The following YWHAZ variants were observed in gnomAD, a reference collection of about 807,000 sequenced individuals.
The protein encoded by YWHAZ is 14-3-3 protein zeta/delta.
For synonymous variants in YWHAZ, 87 were observed against 103.6 expected (o/e 0.84, Z 0.97); for missense variants, 79 against 284.8 (o/e 0.28, Z 5.20).
At chr8:100,951,880 G>A in intron 1 of YWHAZ, 49 bp downstream of exon 1, 1 of 990,658 alleles carries the variant, frequency 1.0e-6, no homozygotes, top group Non-Finnish European at 1.2e-6. Context: ...GCGTTCGGAA[G>A]GCTGGCCTGG....
At chr8:100,929,170 G>C (rs1408916965) in intron 2 of YWHAZ, among the ~76,000 whole-genome samples, 2 of 151,514 alleles carry the variant, frequency 1.3e-5, no homozygotes, top group African/African-American at 2.4e-5. Context: ...TCAAATCAGA[G>C]TAACTGGGAT....
intron 2 of YWHAZ, among the ~76,000 whole-genome samples, chr8:100,936,008 C>T (rs1231716044): frequency 6.6e-6 from 1 of 152,110 alleles, no homozygotes; most frequent in Admixed American, 6.5e-5. Context: ...GACCAAACCC[C>T]AAAATTATGA....
chr8:100,945,205 G>A (rs1251904645), intron 2 of YWHAZ, among the ~76,000 whole-genome samples: 1 of 152,188 alleles, frequency 6.6e-6, no homozygotes, highest in Non-Finnish European at 1.5e-5. Context: ...ACATTGTGAA[G>A]AGCATGCCAG....
At chr8:100,940,473 T>C (rs1809748949) in intron 2 of YWHAZ, among the ~76,000 whole-genome samples, 1 of 152,246 alleles carries the variant, frequency 6.6e-6, no homozygotes. Context: ...TTTGTGCACG[T>C]CTATTTCCCT....
chr8:100,951,712 A>AT, intron 1 of YWHAZ: 1 of 985,314 alleles, frequency 1.0e-6, no homozygotes, highest in South Asian at 4.7e-5. Context: ...CGGGGCGTCG[A>AT]TGCGGAAGCA....
intron 2 of YWHAZ, among the ~76,000 whole-genome samples, chr8:100,925,580 G>A (rs781013400): frequency 3.3e-5 from 5 of 152,050 alleles, no homozygotes; most frequent in African/African-American, 9.7e-5. Context: ...TAAAAAAACC[G>A]TTCAAAAGTT....
At chr8:100,930,663 A>AT (rs904812068) in intron 2 of YWHAZ, among the ~76,000 whole-genome samples, 2 of 152,006 alleles carry the variant, frequency 1.3e-5, no homozygotes, top group Non-Finnish European at 2.9e-5. Context: ...CCTCCCATTA[A>AT]TTTTTTTAAT....
At chr8:100,930,718 G>A (rs1013883892) in intron 2 of YWHAZ, among the ~76,000 whole-genome samples, 6 of 152,196 alleles carry the variant, frequency 3.9e-5, no homozygotes, top group East Asian at 1.9e-4. Flanking sequence ...AGGCTGGAAT[G>A]CAGTGGCCCC....
At chr8:100,934,234 G>A (rs1386361765) in intron 2 of YWHAZ, among the ~76,000 whole-genome samples, 1 of 149,914 alleles carries the variant, frequency 6.7e-6, no homozygotes, top group Non-Finnish European at 1.5e-5. Context: ...TCCAAAGGCT[G>A]AGATGGGAGG....
At chr8:100,951,151 C>T in intron 1 of YWHAZ, 1 of 984,988 alleles carries the variant, frequency 1.0e-6, no homozygotes, top group Non-Finnish European at 1.2e-6. Context: ...AAATTCAGCT[C>T]TAGGTCCCAG....
intron 2 of YWHAZ, among the ~76,000 whole-genome samples, chr8:100,934,534 C>G (rs1395874336): frequency 6.6e-6 from 1 of 151,878 alleles, no homozygotes; most frequent in Non-Finnish European, 1.5e-5. Context: ...AACTCCGTCT[C>G]TACTAAAAAT....
At chr8:100,949,203 T>C (rs1810523807) in intron 1 of YWHAZ, among the ~76,000 whole-genome samples, 1 of 152,190 alleles carries the variant, frequency 6.6e-6, no homozygotes, top group Non-Finnish European at 1.5e-5. Flanking sequence ...CCTCAAAAAC[T>C]ACCCCTAATC....
Position 100,917,738 on chromosome 8 carries a change from A to G in YWHAZ, c.*2955T>C, listed in dbSNP as rs983699764. 1.3e-5 allele frequency: 2 copies of G among 152,162 alleles called. No homozygotes were observed. Among genetic ancestry groups the G allele is most frequent in the African/African-American group, 4.8e-5 (2 of 41,432 alleles). The allele number at this position is 152,162 out of a possible 1,614,324, so 9.4% of individuals were successfully genotyped here. A position where few individuals can be genotyped will look rare whatever the true frequency, so the allele number is the denominator to read the frequency against. The stretch of plus-strand genomic sequence containing the variant: ...GTCTTAAAAACAAACGAACAAAAAA[A>G]TTCCAGTACTTTACACACAAAAAGT... On this transcript the variant is annotated 3_prime_UTR_variant, in exon 6 of 6. Transcript: ENST00000395958.
chr8:100,947,248 C>T (rs1385996128), intron 2 of YWHAZ, among the ~76,000 whole-genome samples: 2 of 140,484 alleles, frequency 1.4e-5, no homozygotes, highest in Non-Finnish European at 1.5e-5. Flanking sequence ...AGCAAGACTC[C>T]GTCTCAAAAA....
chr8:100,951,433 G>A lies in YWHAZ; in HGVS notation c.-12+496C>T, dbSNP rs911536070. The A allele has an allele frequency of 1.1e-5, 11 of 980,334 alleles. No homozygotes were observed. The East Asian group carries it at 4.6e-4, about 41-fold the overall frequency. The allele number at this position is 980,334 out of a possible 1,614,324, so 60.7% of individuals were successfully genotyped here. A position where few individuals can be genotyped will look rare whatever the true frequency, so the allele number is the denominator to read the frequency against. On this transcript the variant is annotated intron_variant, in intron 1 of 5. Transcript: ENST00000395958. ...GAGGGAAAGGAGGGGGCGGCCGAGG[G>A]AGAGGGGAGGGGGCGGCCTCACCTG... is the stretch of plus-strand genomic sequence containing the variant.
intron 1 of YWHAZ, chr8:100,951,598 G>C: frequency 2.0e-6 from 2 of 985,170 alleles, no homozygotes; most frequent in Non-Finnish European, 2.4e-6. Context: ...GCCATGCCTC[G>C]TCCACCTTCG....
chr8:100,949,306 A>G (rs931256177), intron 1 of YWHAZ, among the ~76,000 whole-genome samples: 7 of 152,238 alleles, frequency 4.6e-5, no homozygotes, highest in African/African-American at 1.7e-4. Flanking sequence ...TTGTTTACAG[A>G]GAACATCTGG....
At chr8:100,951,098 C>T in intron 1 of YWHAZ, 1 of 935,770 alleles carries the variant, frequency 1.1e-6, no homozygotes, top group Non-Finnish European at 1.3e-6. Flanking sequence ...CCCCCACCCC[C>T]ACCAGGAAAA....
chr8:100,926,282 A>G (rs922922660), intron 2 of YWHAZ, among the ~76,000 whole-genome samples: 2 of 151,974 alleles, frequency 1.3e-5, no homozygotes, highest in Admixed American at 6.5e-5. Context: ...TGTGCTATAT[A>G]AAGAGGTTAA....
Sources: gnomAD v4.1 joint callset for allele counts (sites outside exome capture counted in the v4.1 genomes callset) on GRCh38, gnomAD v4.1.1 for gene constraint, MANE v1.5 for transcripts, NCBI Gene and HGNC (gene_info 2026-07-23, HGNC 2026-07-21) for gene names.